Variants in CNTNAP5 observed in about 807,000 individuals in gnomAD.
CNTNAP5 encodes contactin associated protein family member 5, also known as contactin-associated protein-like 5.
A neutral mutation model predicts 150.2 loss-of-function variants in CNTNAP5; 72 were observed. The ratio of observed to expected loss-of-function variants is 0.48; its 90% CI spans 0.40 to 0.58. The LOEUF (loss-of-function observed/expected upper bound fraction) is 0.58, where lower values mean the gene tolerates loss of function less well. Ranked by LOEUF, CNTNAP5 falls within the 20% of genes least tolerant of loss-of-function variation. The pLI is 0.00. For missense variants in CNTNAP5, 1,636 were observed against 1,626.2 expected (o/e 1.01, Z -0.10); for synonymous variants, 672 against 619.8 (o/e 1.08, Z -1.25).
chr2:124,697,669 C>T (rs560644823), intron 13 of CNTNAP5, among the ~76,000 whole-genome samples: 1 of 151,518 alleles, frequency 6.6e-6, no homozygotes, highest in South Asian at 2.1e-4. Flanking sequence ...CCAGCACATC[C>T]TTCACTAGAG....
chr2:124,032,622 T>C (rs1681087256), intron 1 of CNTNAP5, among the ~76,000 whole-genome samples: 1 of 152,142 alleles, frequency 6.6e-6, no homozygotes, highest in African/African-American at 2.4e-5. Context: ...GACCTAGGCA[T>C]ATATGAGCTA....
intron 1 of CNTNAP5, among the ~76,000 whole-genome samples, chr2:124,127,957 C>G (rs558561706): frequency 4.9e-4 from 74 of 152,242 alleles, no homozygotes; most frequent in African/African-American, 1.1e-3. Flanking sequence ...CATAAAAACC[C>G]TAGAAGAAAA....
chr2:124,658,978 C>T (rs1378060735), intron 13 of CNTNAP5, among the ~76,000 whole-genome samples: 1 of 152,118 alleles, frequency 6.6e-6, no homozygotes, highest in Non-Finnish European at 1.5e-5. Context: ...GTGATGAGCT[C>T]ACTTACATGT....
chr2:124,449,505 A>G (rs1692912987), intron 6 of CNTNAP5, among the ~76,000 whole-genome samples: 1 of 152,172 alleles, frequency 6.6e-6, no homozygotes, highest in African/African-American at 2.4e-5. Flanking sequence ...GTTTATTTAC[A>G]AGCCCATGTC....
chr2:124,179,571 A>G (rs1026513245), intron 1 of CNTNAP5, among the ~76,000 whole-genome samples: 1 of 152,244 alleles, frequency 6.6e-6, no homozygotes, highest in African/African-American at 2.4e-5. Flanking sequence ...CAACAAAGTT[A>G]GAGCTTTTTC....
At chr2:124,402,712 G>A (rs1030113251) in intron 3 of CNTNAP5, among the ~76,000 whole-genome samples, 12 of 152,086 alleles carry the variant, frequency 7.9e-5, no homozygotes, top group Middle Eastern at 3.2e-3. Flanking sequence ...AATAACTGTC[G>A]CTATTAAACG....
chr2:124,909,771 C>G (rs925431486), intron 22 of CNTNAP5, among the ~76,000 whole-genome samples: 1 of 146,800 alleles, frequency 6.8e-6, no homozygotes, highest in African/African-American at 2.5e-5. Flanking sequence ...CCCGCTCTCT[C>G]TCTGTCTCTA....
intron 8 of CNTNAP5, among the ~76,000 whole-genome samples, chr2:124,509,055 A>C (rs1336238984): frequency 6.6e-6 from 1 of 152,102 alleles, no homozygotes; most frequent in East Asian, 1.9e-4. Flanking sequence ...GCAGATAATC[A>C]AAGGTTTATT....
chr2:124,210,687 A>T (rs1159912218), intron 1 of CNTNAP5, among the ~76,000 whole-genome samples: 1 of 152,124 alleles, frequency 6.6e-6, no homozygotes, highest in Non-Finnish European at 1.5e-5. Context: ...TAAAATACTA[A>T]TTGCTGTGAC....
At chr2:124,115,792 TTGTGTGTGTGTG>T (rs5834038) in intron 1 of CNTNAP5, among the ~76,000 whole-genome samples, 26 of 138,206 alleles carry the variant, frequency 1.9e-4, no homozygotes, top group Non-Finnish European at 1.5e-4. Flanking sequence ...GCCTGGCTAA[TTGTGTGTGTGTG>T]TGTGTGTGTG....
chr2:124,751,642 C>G (rs973454682), intron 14 of CNTNAP5, among the ~76,000 whole-genome samples: 2 of 152,218 alleles, frequency 1.3e-5, no homozygotes, highest in African/African-American at 4.8e-5. Context: ...TTTTAGACCA[C>G]CACACCTCTT....
intron 1 of CNTNAP5, among the ~76,000 whole-genome samples, chr2:124,131,738 G>A (rs1295943567): frequency 6.6e-6 from 1 of 152,060 alleles, no homozygotes; most frequent in Non-Finnish European, 1.5e-5. Flanking sequence ...AGATTTTATA[G>A]GAAAAAAAGC....
rs184498031 is a variant in CNTNAP5 at position 124,216,392 on chromosome 2, T to A, written c.83-5313T>A. ...TTTAAGTTTAAAAAATTCTTTTTTT[T>A]AAAATTATTATTATACTTTAAGTTT... is the stretch of plus-strand genomic sequence containing the variant. On this transcript the variant is annotated intron_variant, in intron 1 of 23. Transcript: ENST00000682447. Among the ~76,000 whole-genome samples the A allele has an allele frequency of 2.9e-3, 435 of 152,298 alleles. 2 individuals carry two copies. The highest frequency in any genetic ancestry group is 0.014 in the Middle Eastern group (4 of 294).
At position 124,142,888 on chromosome 2, in the gene CNTNAP5, C is replaced by T. The variant is rs934068314; in HGVS notation, c.83-78817C>T. Among the ~76,000 whole-genome samples, 103 of 149,628 alleles carry T rather than the reference C, an allele frequency of 6.9e-4. 1 individual carries two copies. Among genetic ancestry groups the T allele is most frequent in the African/African-American group, 1.7e-3 (70 of 40,006 alleles). ...GAAAGGATCAACAAAATTGATAGAC[C>T]GCTAGCAAGACTAATAAAGCAAAAA... On this transcript the variant is annotated intron_variant, in intron 1 of 23. Coordinates refer to ENST00000682447, the MANE Select transcript of CNTNAP5 (RefSeq NM_001367498.1).
At chr2:124,055,796 C>A (rs898728451) in intron 1 of CNTNAP5, among the ~76,000 whole-genome samples, 1 of 152,136 alleles carries the variant, frequency 6.6e-6, no homozygotes, top group African/African-American at 2.4e-5. Context: ...TATTTTCAGA[C>A]TCCATATTTT....
chr2:124,283,481 T>A (rs1688067629), intron 3 of CNTNAP5, among the ~76,000 whole-genome samples: 1 of 152,152 alleles, frequency 6.6e-6, no homozygotes, highest in African/African-American at 2.4e-5. Flanking sequence ...AGGTGTGGGC[T>A]CTGTGAGTTG....
chr2:124,067,502 C>A (rs1682190544), intron 1 of CNTNAP5, among the ~76,000 whole-genome samples: 1 of 152,138 alleles, frequency 6.6e-6, no homozygotes, highest in South Asian at 2.1e-4. Flanking sequence ...AGTGTAATTG[C>A]CTTTAGATCC....
chr2:124,379,426 T>A (rs1231936789), intron 3 of CNTNAP5, among the ~76,000 whole-genome samples: 3 of 152,168 alleles, frequency 2.0e-5, no homozygotes, highest in Admixed American at 2.0e-4. Flanking sequence ...CATTTTAGTC[T>A]GGCCCCTTTC....
chr2:124,655,987 GAAA>G (rs1678443887), intron 13 of CNTNAP5, among the ~76,000 whole-genome samples: 13 of 128,108 alleles, frequency 1.0e-4, no homozygotes, highest in Non-Finnish European at 1.3e-4. Context: ...AAGAAAGAAA[GAAA>G]GAAAGAAAAA....
Sources: gnomAD v4.1 joint callset for allele counts (sites outside exome capture counted in the v4.1 genomes callset) on GRCh38, gnomAD v4.1.1 for gene constraint, MANE v1.5 for transcripts, NCBI Gene and HGNC (gene_info 2026-07-23, HGNC 2026-07-21) for gene names.